Variants in CYTH4 observed in about 807,000 individuals in gnomAD.
CYTH4 encodes the protein cytohesin 4.
In CYTH4, 22 loss-of-function variants were observed where a neutral mutation model predicts 57.5. The observed-to-expected ratio is 0.38, with a 90% CI of 0.27 to 0.55. The LOEUF is 0.55. Ranked by LOEUF, CYTH4 falls within the 20% of genes least tolerant of loss-of-function variation. The probability of loss-of-function intolerance (pLI) is 0.74; values close to 1 mark genes in which losing one functional copy is unlikely to be tolerated. For synonymous variants in CYTH4, 186 were observed against 206.5 expected (o/e 0.90, Z 0.85); for missense variants, 420 against 535.6 (o/e 0.78, Z 2.13).
At position 37,314,528 on chromosome 22, in the gene CYTH4, G is replaced by T. The variant is rs2284051; in HGVS notation, c.*1017G>T. 155,360 of 397,756 alleles carry T rather than the reference G, an allele frequency of 0.39. 31,258 individuals carry two copies. The highest frequency in any genetic ancestry group is 0.66 in the South Asian group (5,066 of 7,718). The allele number at this position is 397,756 out of a possible 1,614,324, so 24.6% of individuals were successfully genotyped here. ...AACACAGAGCTCATGCTTGGAGAGA[G>T]AGAGTCTTGGCCATGGCTTTCCTGC... On this transcript the variant is annotated 3_prime_UTR_variant, in exon 13 of 13. Coordinates refer to ENST00000248901, the MANE Select transcript of CYTH4 (RefSeq NM_013385.5).
intron 1 of CYTH4, among the ~76,000 whole-genome samples, chr22:37,287,784 G>A (rs545842740): frequency 1.8e-4 from 28 of 152,316 alleles, no homozygotes; most frequent in African/African-American, 5.1e-4. Flanking sequence ...GAGTCACTTC[G>A]CCTTCCTAAG....
chr22:37,309,895 T>C (rs1569112426), intron 9 of CYTH4: 1 of 389,092 alleles, frequency 2.6e-6, no homozygotes, highest in Non-Finnish European at 5.4e-6. Context: ...GCAGCTGGGG[T>C]GGGAGCTGCA....
intron 6 of CYTH4, chr22:37,300,272 G>T (rs1929131461): frequency 1.4e-6 from 1 of 715,066 alleles, no homozygotes; most frequent in East Asian, 2.7e-5. Flanking sequence ...AGGGAGAGGG[G>T]TAGGTGACTT....
intron 2 of CYTH4, 36 bp from the exon 3 acceptor site, chr22:37,294,624 C>G (rs749132434): frequency 1.9e-6 from 3 of 1,612,570 alleles, no homozygotes; most frequent in Non-Finnish European, 2.5e-6. Flanking sequence ...GGCCTCCACC[C>G]CTGACTCTCC....
rs73164563 is a variant in CYTH4, at chr22:37,308,012, G to A, written c.697-1200G>A. ...AGCTCTGACTGCCAGAAAGGCTTCC[G>A]TGGAGAACGGCAGTCTGCTTTCTGG... On this transcript the variant is annotated intron_variant, in intron 8 of 12. Transcript: ENST00000248901. Among the ~76,000 whole-genome samples, 374 of 152,328 alleles carry A rather than the reference G, an allele frequency of 2.5e-3. 1 individual carries two copies. The highest frequency in any genetic ancestry group is 0.014 in the Middle Eastern group (4 of 294).
At position 37,309,477 on chromosome 22, in the gene CYTH4, G is replaced by A. The variant is rs1929557168; in HGVS notation, c.808+154G>A. 2.0e-5 allele frequency among the ~76,000 whole-genome samples: 3 copies of A among 152,166 alleles called. No homozygotes were observed. In the South Asian group the frequency reaches 6.2e-4, roughly 31 times the overall value. ...GAGTTGGACAGCCCCAGGTCTCCTG[G>A]CCCCCAGTGCAGCCGTCTGCCTGCC... is the stretch of plus-strand genomic sequence containing the variant. On this transcript the variant is annotated intron_variant, in intron 9 of 12. Coordinates refer to ENST00000248901, the MANE Select transcript of CYTH4 (RefSeq NM_013385.5).
intron 1 of CYTH4, 188 bp from the exon 2 acceptor site, chr22:37,292,433 G>A (rs1456102357): frequency 8.8e-6 from 5 of 568,028 alleles, no homozygotes; most frequent in Admixed American, 3.1e-5. Context: ...GAAACAGGAA[G>A]CAGGGCAGGA....
chr22:37,285,995 G>A (rs1928544141), intron 1 of CYTH4, among the ~76,000 whole-genome samples: 1 of 152,138 alleles, frequency 6.6e-6, no homozygotes, highest in African/African-American at 2.4e-5. Context: ...TATGAAAGGA[G>A]CTGTATGCAG....
Position 37,295,422 on chromosome 22 carries a change from ACAC to A in CYTH4, c.168-576_168-574del, listed in dbSNP as rs1394484737. Reference sequence around the variant, plus strand: ...CACACACACACAAGCATGCACACACACACAAGCATGCACACACACACAAGCATG... The same window carrying A: ...CACACACACACAAGCATGCACACACAAAGCATGCACACACACACAAGCATG... On this transcript the variant is annotated intron_variant, in intron 3 of 12. Transcript: ENST00000248901. The surrounding 1 kb of genome is among the most constrained non-coding windows in gnomAD (Gnocchi z 4.1). Among the ~76,000 whole-genome samples, 1 of 151,392 alleles carries A rather than the reference ACAC, an allele frequency of 6.6e-6. No homozygotes were observed. Among genetic ancestry groups the A allele is most frequent in the Non-Finnish European group, 1.5e-5 (1 of 67,864 alleles).
intron 8 of CYTH4, among the ~76,000 whole-genome samples, chr22:37,308,775 C>T (rs1929516713): frequency 6.8e-6 from 1 of 146,330 alleles, no homozygotes. Flanking sequence ...AGCGTGCCTG[C>T]ATGTGTGTAT....
rs1601714275 is a variant in CYTH4 at position 37,313,699 on chromosome 22, C to T, written c.*188C>T. 9 of 617,270 alleles carry T rather than the reference C, an allele frequency of 1.5e-5. No homozygotes were observed. In the East Asian group the frequency reaches 2.5e-4, roughly 17 times the overall value. 38.2% of individuals were successfully genotyped at this position (617,270 alleles called of 1,614,324 possible). The stretch of plus-strand genomic sequence containing the variant: ...GGGTGGGTGGGAGCTGCAGTGGGCT[C>T]AGAGTCCAGCAATGAGGCCCCCTGG... On this transcript the variant is annotated 3_prime_UTR_variant, in exon 13 of 13. Transcript: ENST00000248901.
At chr22:37,308,667 A>G (rs549442895) in intron 8 of CYTH4, among the ~76,000 whole-genome samples, 3 of 141,310 alleles carry the variant, frequency 2.1e-5, no homozygotes, top group African/African-American at 8.0e-5. Flanking sequence ...TATATGTGTG[A>G]GCGTGCTTGC....
At chr22:37,309,426 G>A (rs745409165) in intron 9 of CYTH4, 103 bp downstream of exon 9, 38 of 1,026,554 alleles carry the variant, frequency 3.7e-5, no homozygotes, top group Non-Finnish European at 4.9e-5. Context: ...CAGCTGACAC[G>A]AGGCTCACAT....
rs1928885479 is a variant in CYTH4, at chr22:37,294,649, C to A, written c.103-11C>A. 1.9e-6 allele frequency: 3 copies of A among 1,613,404 alleles called. No homozygotes were observed. Among genetic ancestry groups the A allele is most frequent in the South Asian group, 1.1e-5 (1 of 91,040 alleles). The stretch of plus-strand genomic sequence containing the variant: ...CCTGACTCTCCCTGTCCTGCCCCTG[C>A]CACCCCACAGAAGCTGAAGGATGAG... On this transcript the variant is annotated splice_polypyrimidine_tract_variant and intron_variant, in intron 2 of 12. Transcript: ENST00000248901.
At chr22:37,294,509 C>T (rs944440948) in intron 2 of CYTH4, 151 bp from the exon 3 acceptor site, 14 of 722,648 alleles carry the variant, frequency 1.9e-5, no homozygotes, top group Admixed American at 1.1e-4. Flanking sequence ...CATGGAGGGT[C>T]CCTCAGACTG....
chr22:37,313,564 C>A lies in CYTH4; in HGVS notation c.*53C>A. The A allele has an allele frequency of 6.4e-7, 1 of 1,555,818 alleles. No homozygotes were observed. Among genetic ancestry groups the A allele is most frequent in the Non-Finnish European group, 8.9e-7 (1 of 1,127,596 alleles). ...GTCACCCTGAGAGTCCCATCGCCTG[C>A]AGCACCTGGAGACCCACCTCCCACC... is the stretch of plus-strand genomic sequence containing the variant. On this transcript the variant is annotated 3_prime_UTR_variant, in exon 13 of 13. Coordinates refer to ENST00000248901, the MANE Select transcript of CYTH4 (RefSeq NM_013385.5).
At position 37,311,650 on chromosome 22, in the gene CYTH4, C is replaced by T. The variant is rs1048788357; in HGVS notation, c.957+123C>T. On this transcript the variant is annotated intron_variant, in intron 11 of 12. Coordinates refer to ENST00000248901, the MANE Select transcript of CYTH4 (RefSeq NM_013385.5). This position sits in a 1 kb window ranked among gnomAD's most constrained non-coding sequence, Gnocchi z 4.4. ...CCAGGCTGTGCCCCTTACACCTTCC[C>T]TGTGGCTCAGGGCTGCCTTCTCTCC... 3 of 1,002,856 alleles carry T rather than the reference C, an allele frequency of 3.0e-6. No homozygotes were observed. In the African/African-American group the frequency reaches 4.8e-5, roughly 16 times the overall value. The allele number at this position is 1,002,856 out of a possible 1,614,324, so 62.1% of individuals were successfully genotyped here. A position where few individuals can be genotyped will look rare whatever the true frequency, so the allele number is the denominator to read the frequency against.
chr22:37,306,621 A>G (rs1298611646), intron 8 of CYTH4, among the ~76,000 whole-genome samples: 1 of 152,236 alleles, frequency 6.6e-6, no homozygotes, highest in Non-Finnish European at 1.5e-5. Flanking sequence ...ATCTCAATTC[A>G]TGTCACTGAA....
In CYTH4 at chr22:37,295,907, T is replaced by C; in HGVS notation, c.168-92T>C. 7.4e-7 allele frequency: 1 copy of C among 1,349,388 alleles called. No homozygotes were observed. The highest frequency in any genetic ancestry group is 2.5e-5 in the East Asian group (1 of 39,972). The allele number at this position is 1,349,388 out of a possible 1,614,324, so 83.6% of individuals were successfully genotyped here. ...CCACACTTGGAGGGCCCTAGAGGGGTATGGGCTCCTGCTGAGGCAAGGGTC... is the reference window on the plus strand; with the variant it reads ...CCACACTTGGAGGGCCCTAGAGGGGCATGGGCTCCTGCTGAGGCAAGGGTC... On this transcript the variant is annotated intron_variant, in intron 3 of 12. Coordinates refer to ENST00000248901, the MANE Select transcript of CYTH4 (RefSeq NM_013385.5). The surrounding 1 kb of genome is among the most constrained non-coding windows in gnomAD (Gnocchi z 4.1).
Sources: gnomAD v4.1 joint callset for allele counts (sites outside exome capture counted in the v4.1 genomes callset) on GRCh38, gnomAD v4.1.1 for gene constraint, Gnocchi (gnomAD v3.1) non-coding constraint, MANE v1.5 for transcripts, NCBI Gene and HGNC (gene_info 2026-07-23, HGNC 2026-07-21) for gene names.